The following FIGLA variants were observed in gnomAD, a reference collection of about 807,000 sequenced individuals.
The protein encoded by FIGLA is folliculogenesis specific bHLH transcription factor, also known as factor in the germline alpha.
Under a neutral mutation model 21.5 loss-of-function variants are expected in FIGLA, and 17 were observed. The observed-to-expected ratio is 0.79, with a 90% CI of 0.54 to 1.19. The LOEUF (loss-of-function observed/expected upper bound fraction) is 1.19. FIGLA is among the 50% of genes most tolerant of loss of function. The pLI, the probability that FIGLA is intolerant of heterozygous loss-of-function variation, is 0.00. For missense variants in FIGLA, 282 were observed against 285.0 expected, an observed-to-expected ratio of 0.99 and a Z score of 0.08; for synonymous variants, 129 against 117.6, an observed-to-expected ratio of 1.10 and a Z score of -0.63.
Position 70,785,488 on chromosome 2 carries a change from C to T in FIGLA, c.536G>A (p.Ser179Asn). 1 of 1,614,032 alleles carries T rather than the reference C, an allele frequency of 6.2e-7. No individual in the cohort carries two copies. The highest frequency in any genetic ancestry group is 1.1e-5 in the South Asian group (1 of 91,086). Residue 179 changes from serine to asparagine, a missense_variant, in exon 3 of 5, where the codon AGT becomes AAT. Transcript: ENST00000332372. ...EEEGPWADGGSGEPAHACRHS... is the reference protein window; with the variant it reads ...EEEGPWADGGNGEPAHACRHS... ...GCGACAAGCGTGTGCTGGCTCACCACTGCCACCATCTGCCCAAGGCCCTTC... is the reference window on the plus strand; with the variant it reads ...GCGACAAGCGTGTGCTGGCTCACCATTGCCACCATCTGCCCAAGGCCCTTC...
chr2:70,785,000 T>C (rs782541781), intron 3 of FIGLA, among the ~76,000 whole-genome samples: 5 of 151,950 alleles, frequency 3.3e-5, no homozygotes, highest in Non-Finnish European at 7.4e-5. Flanking sequence ...GCAAGCTACT[T>C]ACTTCTTTTT....
rs919972350 is a variant in FIGLA at position 70,790,486 on chromosome 2, C to A, written c.153G>T (p.Ser51=). 1.3e-6 allele frequency: 2 copies of A among 1,543,710 alleles called. No homozygotes were observed. The highest frequency in any genetic ancestry group is 1.7e-6 in the Non-Finnish European group (2 of 1,146,184). ...GGTTTTCAGTGGACGAGTAGCCGCC[C>A]GAGGGCAGCCGCTTGAGCCGGCAGA... is the stretch of plus-strand genomic sequence containing the variant. ...AAVCRLKRLP[S]GGYSSTENLQ... is the part of the protein sequence containing the mutation. The change falls in exon 1 of 5, where the codon TCG becomes TCT. Residue 51 remains serine, a synonymous_variant. Transcript: ENST00000332372.
chr2:70,777,626 G>A lies in FIGLA; in HGVS notation c.644+11C>T, dbSNP rs1553388505. 6.2e-7 allele frequency: 1 copy of A among 1,600,914 alleles called. No homozygotes were observed. Among genetic ancestry groups the A allele is most frequent in the East Asian group, 2.2e-5 (1 of 44,694 alleles). The stretch of plus-strand genomic sequence containing the variant: ...AATTGGCACTATGCATCAGGTTATA[G>A]AATGACCTACCTGTGACTCAGCAGT... On this transcript the variant is annotated intron_variant, in intron 4 of 4. Coordinates refer to ENST00000332372, the MANE Select transcript of FIGLA (RefSeq NM_001004311.3).
In FIGLA at chr2:70,777,398, C is replaced by T. The variant is rs1243136720; in HGVS notation, c.645-16G>A. ...TTGTGGAAGTCTGAAACAGAGAAAA[C>T]ATTCCATTATAAATAGTTAAAAATA... On this transcript the variant is annotated splice_polypyrimidine_tract_variant and intron_variant, in intron 4 of 4. Transcript: ENST00000332372. 1.1e-5 allele frequency: 16 copies of T among 1,469,338 alleles called. No individual in the cohort carries two copies. Among genetic ancestry groups the T allele is most frequent in the Non-Finnish European group, 1.4e-5 (15 of 1,104,258 alleles). The allele number at this position is 1,469,338 out of a possible 1,614,324, so 91.0% of individuals were successfully genotyped here.
chr2:70,781,470 A>G (rs1224413790), intron 3 of FIGLA, among the ~76,000 whole-genome samples: 1 of 152,250 alleles, frequency 6.6e-6, no homozygotes, highest in Non-Finnish European at 1.5e-5. Flanking sequence ...ATGATAGTAT[A>G]TAATAATCCA....
intron 3 of FIGLA, among the ~76,000 whole-genome samples, chr2:70,779,360 G>A (rs782324458): frequency 9.2e-5 from 14 of 152,184 alleles, no homozygotes; most frequent in Non-Finnish European, 1.8e-4. Flanking sequence ...CTCAAGCAAA[G>A]CGAGACCCAT....
At position 70,786,318 on chromosome 2, in the gene FIGLA, G is replaced by T. The variant is rs368387067; in HGVS notation, c.385-679C>A. Among the ~76,000 whole-genome samples the T allele has an allele frequency of 4.6e-3, 650 of 141,770 alleles. 3 individuals are homozygous for T. The highest frequency in any genetic ancestry group is 7.6e-3 in the Non-Finnish European group (491 of 64,680). The allele number at this position is 141,770 out of a possible 152,430, so 93.0% of individuals were successfully genotyped here. On this transcript the variant is annotated intron_variant, in intron 2 of 4. Coordinates refer to ENST00000332372, the MANE Select transcript of FIGLA (RefSeq NM_001004311.3). ...CGGACTTCTAGGTTTTCTTTTTTTTGGGGGGGGACAGAGTCTCGCTCTGTT... is the reference window on the plus strand; with the variant it reads ...CGGACTTCTAGGTTTTCTTTTTTTTTGGGGGGGACAGAGTCTCGCTCTGTT...
rs35547757 is a variant in FIGLA at position 70,784,945 on chromosome 2, C to CAAAA, written c.609+466_609+469dup. On this transcript the variant is annotated intron_variant, in intron 3 of 4. Transcript: ENST00000332372. ...TTACAACCAGCACCACCCCCCACCA[C>CAAAA]AAAAAAAAAAAAAAAGTATCACCAA... Among the ~76,000 whole-genome samples, 8 of 139,408 alleles carry CAAAA rather than the reference C, an allele frequency of 5.7e-5. No individual in the cohort carries two copies. In the East Asian group the frequency reaches 1.0e-3, roughly 18 times the overall value. The allele number at this position is 139,408 out of a possible 152,430, so 91.5% of individuals were successfully genotyped here.
chr2:70,790,388 C>CT lies in FIGLA; in HGVS notation c.231+19_231+20insA. On this transcript the variant is annotated intron_variant, in intron 1 of 4. Transcript: ENST00000332372. ...GAGCAGGGAAGGGGGGAACGGACGT[C>CT]GACCCTAGGGATCCCTCACCCGCTC... The CT allele has an allele frequency of 6.7e-7, 1 of 1,500,530 alleles. No homozygotes were observed. Among genetic ancestry groups the CT allele is most frequent in the Non-Finnish European group, 8.9e-7 (1 of 1,122,634 alleles). 93.0% of individuals were successfully genotyped at this position (1,500,530 alleles called of 1,614,324 possible). A position where few individuals can be genotyped will look rare whatever the true frequency, so the allele number is the denominator to read the frequency against.
chr2:70,785,018 C>A (rs1486953327), intron 3 of FIGLA, among the ~76,000 whole-genome samples: 1 of 150,720 alleles, frequency 6.6e-6, no homozygotes, highest in Non-Finnish European at 1.5e-5. Context: ...TTTCTGGAGA[C>A]CATAGAGTCC....
chr2:70,786,448 C>T (rs1219549246), intron 2 of FIGLA, among the ~76,000 whole-genome samples: 8 of 152,110 alleles, frequency 5.3e-5, no homozygotes, highest in East Asian at 3.9e-4. Context: ...GGACTACCGG[C>T]GCCTGCCACC....
chr2:70,784,233 G>A (rs781889978), intron 3 of FIGLA, among the ~76,000 whole-genome samples: 16 of 151,998 alleles, frequency 1.1e-4, no homozygotes, highest in Non-Finnish European at 1.5e-4. Flanking sequence ...CCAGCCAGCA[G>A]GAAGCCTGTA....
intron 1 of FIGLA, among the ~76,000 whole-genome samples, chr2:70,789,269 C>T (rs1356135665): frequency 6.6e-6 from 1 of 152,132 alleles, no homozygotes; most frequent in African/African-American, 2.4e-5. Flanking sequence ...TCACTCATTT[C>T]TGTCTTTTCC....
Position 70,777,379 on chromosome 2 carries a change from A to C in FIGLA, c.648T>G (p.Leu216=), listed in dbSNP as rs1225396259. The C allele has an allele frequency of 6.7e-7, 1 of 1,494,422 alleles. No homozygotes were observed. Among genetic ancestry groups the C allele is most frequent in the Non-Finnish European group, 8.9e-7 (1 of 1,117,934 alleles). 92.6% of individuals were successfully genotyped at this position (1,494,422 alleles called of 1,614,324 possible). A position where few individuals can be genotyped will look rare whatever the true frequency, so the allele number is the denominator to read the frequency against. The change falls in exon 5 of 5, where the codon CTT becomes CTG. Residue 216 remains leucine (L), a synonymous_variant. Coordinates refer to ENST00000332372, the MANE Select transcript of FIGLA (RefSeq NM_001004311.3). ...FPEVELLSHR[L]PQV ...GCCTTTTCATTTTTCATACTTGTGG[A>C]AGTCTGAAACAGAGAAAACATTCCA...
chr2:70,780,438 T>C (rs1232768862), intron 3 of FIGLA, among the ~76,000 whole-genome samples: 1 of 152,212 alleles, frequency 6.6e-6, no homozygotes, highest in Non-Finnish European at 1.5e-5. Context: ...GACAGGATCC[T>C]GAAACCTTAT....
intron 2 of FIGLA, among the ~76,000 whole-genome samples, chr2:70,785,849 A>G (rs1381633690): frequency 1.3e-5 from 2 of 152,224 alleles, no homozygotes; most frequent in African/African-American, 4.8e-5. Context: ...AACTGCATTA[A>G]AAATATTATG....
intron 1 of FIGLA, among the ~76,000 whole-genome samples, chr2:70,789,221 TCA>T (rs1676013260): frequency 6.6e-6 from 1 of 152,122 alleles, no homozygotes; most frequent in African/African-American, 2.4e-5. Flanking sequence ...ACAAAAATGT[TCA>T]CAGTAGTTAT....
At chr2:70,788,697 C>T (rs1476051679) in intron 1 of FIGLA, among the ~76,000 whole-genome samples, 1 of 152,172 alleles carries the variant, frequency 6.6e-6, no homozygotes, top group Non-Finnish European at 1.5e-5. Context: ...CAAAGAACTA[C>T]AAACTAAAAC....
intron 4 of FIGLA, 48 bp from the exon 5 acceptor site, chr2:70,777,430 GT>G: frequency 7.2e-7 from 1 of 1,393,414 alleles, no homozygotes; most frequent in Non-Finnish European, 9.6e-7. Flanking sequence ...AATAAGAACC[GT>G]TTACAAAAGA....
Sources: allele counts gnomAD v4.1 joint callset (sites outside exome capture counted in the v4.1 genomes callset), GRCh38; gene constraint gnomAD v4.1.1; transcripts MANE v1.5; gene names NCBI Gene and HGNC (gene_info 2026-07-23, HGNC 2026-07-21).